ITGA9: variants seen among roughly 807,000 people sequenced by gnomAD.
ITGA9 encodes the protein integrin subunit alpha 9, also known as integrin alpha-9.
In ITGA9, 56 loss-of-function variants were observed where a neutral mutation model predicts 127.8. The ratio of observed to expected loss-of-function variants is 0.44; its 90% CI spans 0.35 to 0.55. The LOEUF (loss-of-function observed/expected upper bound fraction) is 0.55, where lower values mean the gene tolerates loss of function less well. ITGA9 is among the 20% of genes least tolerant of loss of function. The pLI is 0.00. For synonymous variants in ITGA9, 508 were observed against 514.5 expected, an observed-to-expected ratio of 0.99 and a Z score of 0.17; for missense variants, 1,196 against 1,347.1, an observed-to-expected ratio of 0.89 and a Z score of 1.76.
intron 18 of ITGA9, among the ~76,000 whole-genome samples, chr3:37,708,035 C>G (rs547321360): frequency 6.6e-6 from 1 of 152,310 alleles, no homozygotes; most frequent in African/African-American, 2.4e-5. Flanking sequence ...AAACCACCCC[C>G]AAATCTAGTG....
At chr3:37,741,039 C>G (rs926610182) in intron 20 of ITGA9, among the ~76,000 whole-genome samples, 2 of 152,150 alleles carry the variant, frequency 1.3e-5, no homozygotes, top group African/African-American at 4.8e-5. Context: ...TGAAGTCTAG[C>G]AACTCCTTCC....
At chr3:37,612,114 T>C (rs1237863694) in intron 15 of ITGA9, among the ~76,000 whole-genome samples, 3 of 152,192 alleles carry the variant, frequency 2.0e-5, no homozygotes, top group East Asian at 1.9e-4. Context: ...TGAAACAACA[T>C]AATGTTTCTG....
At chr3:37,763,913 C>T (rs1696749918) in intron 23 of ITGA9, among the ~76,000 whole-genome samples, 1 of 152,180 alleles carries the variant, frequency 6.6e-6, no homozygotes, top group African/African-American at 2.4e-5. Context: ...TTCCTTCTAA[C>T]AAGGATTAGA....
intron 22 of ITGA9, among the ~76,000 whole-genome samples, chr3:37,747,326 C>G (rs192172376): frequency 2.2e-4 from 34 of 152,240 alleles, no homozygotes; most frequent in African/African-American, 8.2e-4. Context: ...TTGATACAGG[C>G]ATGCAGTGCA....
Position 37,503,194 on chromosome 3 carries a change from G to A in ITGA9, c.629G>A (p.Gly210Asp). The change falls in exon 6 of 28, where the codon GGT becomes GAT. Residue 210 changes from glycine to aspartate, a missense_variant. Transcript: ENST00000264741. ...TTTTGGTAGGAGCTGGTGGTGATGG[G>A]TGCTCCAGGGTCATTTTATTGGGCT... ...GFFTEELVVM[G>D]APGSFYWAGT... 6.2e-7 allele frequency: 1 copy of A among 1,613,916 alleles called. No individual in the cohort carries two copies. Among genetic ancestry groups the A allele is most frequent in the Non-Finnish European group, 8.5e-7 (1 of 1,179,920 alleles).
rs1700757522 is a variant in ITGA9 at position 37,683,955 on chromosome 3, T to C, written c.2007T>C (p.Tyr669=). The change falls in exon 18 of 28, where the codon TAT becomes TAC. Residue 669 remains tyrosine, a synonymous_variant. Transcript: ENST00000264741. ...ISISNLGDDA[Y]DANVSFNVSR... ...TCTCCAACCTCGGAGATGATGCCTA[T>C]GATGCCAACGTGTCCTTCAATGTTT... 2 of 1,614,010 alleles carry C rather than the reference T, an allele frequency of 1.2e-6. No individual in the cohort carries two copies. Among genetic ancestry groups the C allele is most frequent in the Non-Finnish European group, 1.7e-6 (2 of 1,179,974 alleles).
chr3:37,544,353 A>T lies in ITGA9; in HGVS notation c.1689+1768A>T, dbSNP rs188270294. 1.4e-3 allele frequency among the ~76,000 whole-genome samples: 220 copies of T among 152,324 alleles called. 4 individuals are homozygous for T. The highest frequency in any genetic ancestry group is 1.4e-3 in the Non-Finnish European group (95 of 68,030). On this transcript the variant is annotated intron_variant, in intron 15 of 27. Coordinates refer to ENST00000264741, the MANE Select transcript of ITGA9 (RefSeq NM_002207.3). ...TATCTAGGGTTGCCAGACTTAGCAA[A>T]TAAAACTATAGAACTCCTAATTAAA...
At chr3:37,523,187 G>T (rs971461094) in intron 11 of ITGA9, among the ~76,000 whole-genome samples, 1 of 152,134 alleles carries the variant, frequency 6.6e-6, no homozygotes, top group Non-Finnish European at 1.5e-5. Context: ...AAAACAAACA[G>T]AACCTGCATT....
intron 15 of ITGA9, among the ~76,000 whole-genome samples, chr3:37,601,650 A>G (rs1699923446): frequency 6.6e-6 from 1 of 152,244 alleles, no homozygotes; most frequent in Non-Finnish European, 1.5e-5. Context: ...CGCCTCATCA[A>G]CATGAGCAGT....
At chr3:37,591,092 C>T (rs1446591848) in intron 15 of ITGA9, among the ~76,000 whole-genome samples, 4 of 152,146 alleles carry the variant, frequency 2.6e-5, no homozygotes, top group African/African-American at 9.6e-5. Context: ...CATGCCACCC[C>T]TCCTGCCCCT....
At chr3:37,706,562 A>G (rs1242673180) in intron 18 of ITGA9, among the ~76,000 whole-genome samples, 2 of 152,158 alleles carry the variant, frequency 1.3e-5, no homozygotes, top group Non-Finnish European at 1.5e-5. Flanking sequence ...ATGCTTACCT[A>G]TAGGACAGGA....
chr3:37,741,101 A>C lies in ITGA9; in HGVS notation c.2235-629A>C, dbSNP rs140753034. ...TCCATTGTTCGTGGAACAGGCACTT[A>C]CACAAGTAGCACACACAGTAGGTGC... On this transcript the variant is annotated intron_variant, in intron 20 of 27. Transcript: ENST00000264741. 7.9e-4 allele frequency among the ~76,000 whole-genome samples: 121 copies of C among 152,240 alleles called. 1 individual carries two copies. Among genetic ancestry groups the C allele is most frequent in the African/African-American group, 2.5e-3 (104 of 41,560 alleles).
At chr3:37,730,556 AC>A (rs1696275602) in intron 18 of ITGA9, among the ~76,000 whole-genome samples, 2 of 152,124 alleles carry the variant, frequency 1.3e-5, no homozygotes, top group Admixed American at 6.6e-5. Context: ...CTATGTAAAC[AC>A]CTATGTCTCT....
chr3:37,650,174 T>C (rs1424620822), intron 16 of ITGA9, among the ~76,000 whole-genome samples: 1 of 152,132 alleles, frequency 6.6e-6, no homozygotes, highest in Non-Finnish European at 1.5e-5. Flanking sequence ...CCAAGAAAAT[T>C]AGGAGGAAGC....
At chr3:37,453,913 A>G (rs1348556046) in intron 1 of ITGA9, among the ~76,000 whole-genome samples, 4 of 152,088 alleles carry the variant, frequency 2.6e-5, no homozygotes, top group African/African-American at 7.2e-5. Context: ...TCCCTCTCTC[A>G]CTTACTCCAG....
chr3:37,739,247 C>CTG (rs1293625684), intron 20 of ITGA9, among the ~76,000 whole-genome samples: 1 of 152,196 alleles, frequency 6.6e-6, no homozygotes, highest in Non-Finnish European at 1.5e-5. Flanking sequence ...ATTAACAGTG[C>CTG]TGCATAGCTT....
At chr3:37,508,679 T>TA in intron 8 of ITGA9, 52 bp downstream of exon 8, 15 of 1,469,308 alleles carry the variant, frequency 1.0e-5, no homozygotes, top group Non-Finnish European at 1.4e-5. Flanking sequence ...TGTGATCATG[T>TA]GGGAGTCAGT....
At chr3:37,692,209 A>G (rs1378442616) in intron 18 of ITGA9, among the ~76,000 whole-genome samples, 3 of 152,238 alleles carry the variant, frequency 2.0e-5, no homozygotes, top group Admixed American at 6.5e-5. Context: ...TCTGCCACAC[A>G]TGAGCTTATA....
chr3:37,648,525 G>C (rs1257958442), intron 16 of ITGA9, among the ~76,000 whole-genome samples: 1 of 152,224 alleles, frequency 6.6e-6, no homozygotes, highest in South Asian at 2.1e-4. Context: ...TACTTGGGAG[G>C]CTGAGGTAGG....
Sources: gnomAD v4.1 joint callset for allele counts (sites outside exome capture counted in the v4.1 genomes callset) on GRCh38, gnomAD v4.1.1 for gene constraint, MANE v1.5 for transcripts, NCBI Gene and HGNC (gene_info 2026-07-23, HGNC 2026-07-21) for gene names.